The following GPC5 variants were observed in gnomAD, a reference collection of about 807,000 sequenced individuals.
GPC5 encodes the protein glypican 5, also known as glypican-5.
In GPC5, 47 loss-of-function variants were observed where a neutral mutation model predicts 53.9. The ratio of observed to expected loss-of-function variants is 0.87; its 90% CI spans 0.69 to 1.11. The LOEUF is 1.11. Among genes scored for constraint, GPC5 ranks in the 50% most tolerant of loss-of-function variants. GPC5 has a pLI of 0.00. For missense variants in GPC5, 748 were observed against 713.1 expected, an observed-to-expected ratio of 1.05 and a Z score of -0.56; for synonymous variants, 286 against 263.3, an observed-to-expected ratio of 1.09 and a Z score of -0.84.
intron 5 of GPC5, among the ~76,000 whole-genome samples, chr13:91,799,124 A>G (rs2038094104): frequency 1.3e-5 from 2 of 152,228 alleles, no homozygotes; most frequent in South Asian, 4.1e-4. Flanking sequence ...AATGTGGCAC[A>G]TATGCACCAT....
At position 91,520,720 on chromosome 13, in the gene GPC5, A is replaced by G. The variant is rs953323645; in HGVS notation, c.325+71798A>G. 4.1e-4 allele frequency among the ~76,000 whole-genome samples: 61 copies of G among 148,178 alleles called. No individual in the cohort carries two copies. The East Asian group carries it at 4.7e-3, about 11-fold the overall frequency. On this transcript the variant is annotated intron_variant, in intron 2 of 7. Transcript: ENST00000377067. ...TATGTATATATATGTGTGTGTGTGT[A>G]TGTGTGTGTGTGTGTATATATATAT...
At chr13:92,616,885 T>C (rs1229960115) in intron 7 of GPC5, among the ~76,000 whole-genome samples, 1 of 151,638 alleles carries the variant, frequency 6.6e-6, no homozygotes, top group African/African-American at 2.4e-5. Context: ...TCTTAAACCC[T>C]CTCTAAGGCC....
chr13:92,429,049 A>G (rs989077285), intron 7 of GPC5, among the ~76,000 whole-genome samples: 1 of 152,122 alleles, frequency 6.6e-6, no homozygotes, highest in Admixed American at 6.6e-5. Flanking sequence ...TACAACAAAT[A>G]AATCTTACAT....
At chr13:91,958,269 A>C (rs1381157372) in intron 6 of GPC5, among the ~76,000 whole-genome samples, 2 of 124,870 alleles carry the variant, frequency 1.6e-5, no homozygotes, top group Non-Finnish European at 3.7e-5. Context: ...TAAGTCAAAA[A>C]CTGTAAAAAG....
chr13:92,268,919 C>T (rs143890021), intron 7 of GPC5, among the ~76,000 whole-genome samples: 74 of 151,954 alleles, frequency 4.9e-4, no homozygotes, highest in Non-Finnish European at 7.8e-4. Flanking sequence ...CTTTTATATA[C>T]GTTTTTATTA....
chr13:92,629,690 C>T (rs918308174), intron 7 of GPC5, among the ~76,000 whole-genome samples: 3 of 152,016 alleles, frequency 2.0e-5, no homozygotes, highest in South Asian at 2.1e-4. Context: ...GCAATGATTC[C>T]GTTCTTCTTT....
chr13:92,064,483 C>A (rs1180943051), intron 6 of GPC5, among the ~76,000 whole-genome samples: 1 of 152,096 alleles, frequency 6.6e-6, no homozygotes, highest in Non-Finnish European at 1.5e-5. Flanking sequence ...GGCGGCCTGG[C>A]GCGGTGGCTC....
chr13:92,741,326 C>A (rs1222275629), intron 7 of GPC5, among the ~76,000 whole-genome samples: 1 of 151,710 alleles, frequency 6.6e-6, no homozygotes, highest in Non-Finnish European at 1.5e-5. Flanking sequence ...GAGAATTGAG[C>A]AATCACATTA....
intron 7 of GPC5, among the ~76,000 whole-genome samples, chr13:92,793,475 C>A (rs1325962842): frequency 6.6e-6 from 1 of 152,020 alleles, no homozygotes; most frequent in Non-Finnish European, 1.5e-5. Flanking sequence ...ATTAAAAGAA[C>A]TAGAGAAGCA....
intron 6 of GPC5, among the ~76,000 whole-genome samples, chr13:92,088,150 T>A (rs1180744132): frequency 1.3e-5 from 2 of 152,118 alleles, no homozygotes; most frequent in Non-Finnish European, 2.9e-5. Context: ...CTTTCTCATA[T>A]CCCACTCATG....
rs527261708 is a variant in GPC5, at chr13:92,586,220, A to G, written c.1562-280062A>G. Among the ~76,000 whole-genome samples the G allele has an allele frequency of 2.8e-4, 43 of 152,332 alleles. 2 individuals are homozygous for G. In the South Asian group the frequency reaches 8.5e-3, roughly 30 times the overall value. ...CCCTGAAAACATTATGGTTAGAGAA[A>G]CTGCAAGGAAATTTCTGAAGAAATT... On this transcript the variant is annotated intron_variant, in intron 7 of 7. Transcript: ENST00000377067.
intron 1 of GPC5, among the ~76,000 whole-genome samples, chr13:91,436,993 G>C (rs1880030021): frequency 6.6e-6 from 1 of 152,096 alleles, no homozygotes; most frequent in Non-Finnish European, 1.5e-5. Context: ...TGTTTTATCA[G>C]AGACTGGAAT....
chr13:91,868,498 A>G (rs904828044), intron 5 of GPC5, among the ~76,000 whole-genome samples: 10 of 152,154 alleles, frequency 6.6e-5, no homozygotes, highest in Non-Finnish European at 1.0e-4. Context: ...TGAGCCTGGG[A>G]GTTGAAGACC....
chr13:91,758,759 C>T (rs969188352), intron 5 of GPC5, among the ~76,000 whole-genome samples: 1 of 152,140 alleles, frequency 6.6e-6, no homozygotes, highest in Non-Finnish European at 1.5e-5. Flanking sequence ...TCCTGTACCA[C>T]CACAGACTCC....
chr13:91,706,939 G>T (rs2036118820), intron 3 of GPC5, among the ~76,000 whole-genome samples: 1 of 151,788 alleles, frequency 6.6e-6, no homozygotes, highest in Non-Finnish European at 1.5e-5. Context: ...AAACATCATA[G>T]AAATAAATAT....
intron 7 of GPC5, among the ~76,000 whole-genome samples, chr13:92,760,880 A>C (rs1475014759): frequency 6.6e-6 from 1 of 152,092 alleles, no homozygotes; most frequent in Non-Finnish European, 1.5e-5. Context: ...ATATATTTTA[A>C]ACTTTTCCTT....
rs370400564 is a variant in GPC5, at chr13:91,809,843, G to A, written c.1280+53423G>A. Reference sequence around the variant, plus strand: ...TGACATATAAGGTAAAATGAAAATTGCCTTTTTGTAATATTAATCTGGTAA... The same window carrying A: ...TGACATATAAGGTAAAATGAAAATTACCTTTTTGTAATATTAATCTGGTAA... On this transcript the variant is annotated intron_variant, in intron 5 of 7. Transcript: ENST00000377067. 6.6e-5 allele frequency among the ~76,000 whole-genome samples: 10 copies of A among 151,974 alleles called. No individual in the cohort carries two copies. In the East Asian group the frequency reaches 9.7e-4, roughly 15 times the overall value.
At chr13:91,704,644 G>A (rs1226464670) in intron 3 of GPC5, among the ~76,000 whole-genome samples, 1 of 152,128 alleles carries the variant, frequency 6.6e-6, no homozygotes, top group Admixed American at 6.5e-5. Flanking sequence ...GAAAACCAAG[G>A]ACAACCTCAC....
intron 6 of GPC5, among the ~76,000 whole-genome samples, chr13:91,938,056 T>C (rs777355699): frequency 1.2e-4 from 19 of 152,084 alleles, no homozygotes; most frequent in East Asian, 5.8e-4. Flanking sequence ...CAAGTTCAGC[T>C]GAGATTTGTG....
Sources: gnomAD v4.1 joint callset for allele counts (sites outside exome capture counted in the v4.1 genomes callset) on GRCh38, gnomAD v4.1.1 for gene constraint, MANE v1.5 for transcripts, NCBI Gene and HGNC (gene_info 2026-07-23, HGNC 2026-07-21) for gene names.